Variants in NAALADL2 observed in about 807,000 individuals in gnomAD.
The protein encoded by NAALADL2 is N-acetylated alpha-linked acidic dipeptidase like 2, also known as inactive N-acetylated-alpha-linked acidic dipeptidase-like protein 2.
Under a neutral mutation model 87.2 loss-of-function variants are expected in NAALADL2, and 76 were observed. That is an observed-to-expected ratio of 0.87 (90% confidence interval 0.72 to 1.05). NAALADL2 has a LOEUF of 1.05. Among genes scored for constraint, NAALADL2 ranks in the 50% least tolerant of loss-of-function variants. The pLI is 0.00. For synonymous variants in NAALADL2, 354 were observed against 331.0 expected (o/e 1.07, Z -0.75); for missense variants, 1,089 against 945.8 (o/e 1.15, Z -1.99).
At chr3:174,703,516 G>C (rs1729758928) in intron 2 of NAALADL2, among the ~76,000 whole-genome samples, 1 of 152,112 alleles carries the variant, frequency 6.6e-6, no homozygotes, top group Non-Finnish European at 1.5e-5. Flanking sequence ...CCTGACCACA[G>C]ACATGATAAT....
intron 1 of NAALADL2, among the ~76,000 whole-genome samples, chr3:174,972,580 C>G (rs1743837628): frequency 6.6e-6 from 1 of 152,094 alleles, no homozygotes; most frequent in Admixed American, 6.5e-5. Flanking sequence ...CCTTAATTAC[C>G]TCTTTAAAAG....
intron 4 of NAALADL2, among the ~76,000 whole-genome samples, chr3:175,320,231 CA>C (rs920317555): frequency 1.1e-4 from 17 of 150,418 alleles, no homozygotes; most frequent in South Asian, 6.3e-4. Context: ...AAGCTTTTTA[CA>C]AAAAAAAATC....
intron 2 of NAALADL2, among the ~76,000 whole-genome samples, chr3:175,204,855 AAAT>A (rs1354818042): frequency 6.6e-6 from 1 of 151,994 alleles, no homozygotes; most frequent in Non-Finnish European, 1.5e-5. Flanking sequence ...GAGCTGCAAA[AAAT>A]AATAATAATA....
chr3:175,708,464 T>G (rs1740048971), intron 11 of NAALADL2, among the ~76,000 whole-genome samples: 1 of 152,018 alleles, frequency 6.6e-6, no homozygotes, highest in African/African-American at 2.4e-5. Flanking sequence ...AATATTAAGT[T>G]ATTTGATTCA....
rs192588944 is a variant in NAALADL2, at chr3:174,679,470, G to A, written c.-114-58171G>A. On this transcript the variant is annotated intron_variant, in intron 2 of 3. Transcript: ENST00000434257. ...ATGTTAAACATATTTTATATTCCAT[G>A]TCTAATGACTCCAACATTAAATTAT... Among the ~76,000 whole-genome samples the A allele has an allele frequency of 5.9e-5, 9 of 152,136 alleles. 1 individual carries two copies. Among genetic ancestry groups the A allele is most frequent in the Admixed American group, 5.9e-4 (9 of 15,266 alleles).
chr3:175,470,912 C>G lies in NAALADL2; in HGVS notation c.1534-727C>G, dbSNP rs148401853. 4.9e-3 allele frequency among the ~76,000 whole-genome samples: 741 copies of G among 152,050 alleles called. 5 individuals are homozygous for G. Among genetic ancestry groups the G allele is most frequent in the African/African-American group, 0.015 (634 of 41,468 alleles). ...CACAGGGTTATTTTGTGCAGCGTAGCTCATTGCTTCAAAAGTAAAGGGCTG... is the reference window on the plus strand; with the variant it reads ...CACAGGGTTATTTTGTGCAGCGTAGGTCATTGCTTCAAAAGTAAAGGGCTG... On this transcript the variant is annotated intron_variant, in intron 8 of 13. Transcript: ENST00000454872.
intron 6 of NAALADL2, among the ~76,000 whole-genome samples, chr3:175,452,385 A>G (rs1320400576): frequency 6.6e-6 from 1 of 152,158 alleles, no homozygotes; most frequent in Non-Finnish European, 1.5e-5. Context: ...CCATAACAAA[A>G]CTAAGTATTT....
At chr3:175,257,382 A>AG (rs1432346076) in intron 4 of NAALADL2, among the ~76,000 whole-genome samples, 1 of 137,634 alleles carries the variant, frequency 7.3e-6, no homozygotes, top group African/African-American at 3.0e-5. Flanking sequence ...TTTTTTTTTT[A>AG]TTATCTTCCA....
At chr3:175,360,826 A>G (rs13321591) in intron 5 of NAALADL2, among the ~76,000 whole-genome samples, 19,835 of 66,302 alleles carry the variant, frequency 0.3, 1,742 homozygotes, top group Non-Finnish European at 0.33. Flanking sequence ...GTGTGTGTGT[A>G]TGTGTGTGTG....
intron 9 of NAALADL2, among the ~76,000 whole-genome samples, chr3:175,546,930 A>G (rs1713433643): frequency 6.6e-6 from 1 of 152,172 alleles, no homozygotes; most frequent in Admixed American, 6.5e-5. Flanking sequence ...GACAGAAACA[A>G]ATGAAAAAGA....
At chr3:174,792,496 T>C (rs1273162805) in intron 3 of NAALADL2, among the ~76,000 whole-genome samples, 2 of 152,188 alleles carry the variant, frequency 1.3e-5, no homozygotes, top group African/African-American at 4.8e-5. Context: ...TCTACCCATG[T>C]TTGTCTCTTG....
At chr3:174,831,759 G>A (rs1722729208) in intron 3 of NAALADL2, among the ~76,000 whole-genome samples, 1 of 151,288 alleles carries the variant, frequency 6.6e-6, no homozygotes, top group East Asian at 1.9e-4. Context: ...TGGTTGGTAA[G>A]CTATTGATTA....
chr3:175,522,881 A>G (rs1241758370), intron 9 of NAALADL2, among the ~76,000 whole-genome samples: 1 of 152,230 alleles, frequency 6.6e-6, no homozygotes, highest in Non-Finnish European at 1.5e-5. Flanking sequence ...TTCTCTACAT[A>G]TCCCTTAAAA....
chr3:174,587,558 T>A (rs1284808955), intron 2 of NAALADL2, among the ~76,000 whole-genome samples: 1 of 152,218 alleles, frequency 6.6e-6, no homozygotes, highest in Non-Finnish European at 1.5e-5. Flanking sequence ...GGAGCTCTCA[T>A]AAGGCCTGTC....
intron 9 of NAALADL2, among the ~76,000 whole-genome samples, chr3:175,509,775 G>T (rs577320358): frequency 2.8e-4 from 42 of 152,320 alleles, no homozygotes; most frequent in African/African-American, 1.0e-3. Flanking sequence ...GTGGCGCAGA[G>T]CTGGGGAGTC....
At chr3:175,504,924 G>A (rs147484402) in intron 9 of NAALADL2, among the ~76,000 whole-genome samples, 3 of 152,264 alleles carry the variant, frequency 2.0e-5, no homozygotes, top group East Asian at 3.9e-4. Context: ...CAATGAGTAG[G>A]AAGGATGTGA....
intron 1 of NAALADL2, among the ~76,000 whole-genome samples, chr3:175,018,501 A>C (rs1751151039): frequency 1.3e-5 from 2 of 152,110 alleles, no homozygotes; most frequent in Non-Finnish European, 2.9e-5. Context: ...GACATAGTAA[A>C]TATAACAGGC....
chr3:175,737,325 T>G lies in NAALADL2; in HGVS notation c.1916T>G (p.Leu639Trp). Reference sequence around the variant, plus strand: ...TTTCAGCTCTCAGGAGAAGTGATTTTGCAAATTGCCAACGAACCTGTTCTG... The same window carrying G: ...TTTCAGCTCTCAGGAGAAGTGATTTGGCAAATTGCCAACGAACCTGTTCTG... ...TITKLSGEVI[L>W]QIANEPVLPF... The change falls in exon 12 of 14, where the codon TTG becomes TGG. Residue 639 changes from leucine (L) to tryptophan (W), a missense_variant. Transcript: ENST00000454872. 1 of 1,609,814 alleles carries G rather than the reference T, an allele frequency of 6.2e-7. No homozygotes were observed.
At chr3:174,505,583 T>G (rs912423029) in intron 1 of NAALADL2, among the ~76,000 whole-genome samples, 7 of 152,082 alleles carry the variant, frequency 4.6e-5, no homozygotes, top group African/African-American at 1.7e-4. Flanking sequence ...TATTGGGAGC[T>G]ATAAAGTCAT....
Sources: gnomAD v4.1 joint callset for allele counts (sites outside exome capture counted in the v4.1 genomes callset) on GRCh38, gnomAD v4.1.1 for gene constraint, MANE v1.5 for transcripts, NCBI Gene and HGNC (gene_info 2026-07-23, HGNC 2026-07-21) for gene names.